CSMD3: variants seen among roughly 807,000 people sequenced by gnomAD.
CSMD3 encodes the protein CUB and sushi domain-containing protein 3.
A neutral mutation model predicts 435.2 loss-of-function variants in CSMD3; 177 were observed. The observed-to-expected ratio is 0.41, with a 90% CI of 0.36 to 0.46. CSMD3 has a LOEUF of 0.46. CSMD3 is among the 20% of genes least tolerant of loss of function. The pLI is 0.34. For synonymous variants in CSMD3, 1,656 were observed against 1,520.5 expected, an observed-to-expected ratio of 1.09 and a Z score of -2.07; for missense variants, 4,265 against 4,504.6, an observed-to-expected ratio of 0.95 and a Z score of 1.52.
chr8:112,929,745 T>A (rs1181302481), intron 9 of CSMD3, among the ~76,000 whole-genome samples: 1 of 152,038 alleles, frequency 6.6e-6, no homozygotes, highest in Non-Finnish European at 1.5e-5. Flanking sequence ...AAAGTGCTTT[T>A]GAAGGTTACT....
At position 112,892,691 on chromosome 8, in the gene CSMD3, A is replaced by G. The variant is rs187213227; in HGVS notation, c.1633+28936T>C. ...GATATGTGCATATTTTCTGTCTTCA[A>G]TTCACAACACTACTTAAATGGCATC... is the stretch of plus-strand genomic sequence containing the variant. On this transcript the variant is annotated intron_variant, in intron 10 of 70. Coordinates refer to ENST00000297405, the MANE Select transcript of CSMD3 (RefSeq NM_198123.2). Among the ~76,000 whole-genome samples the G allele has an allele frequency of 9.0e-4, 136 of 151,574 alleles. 2 individuals are homozygous for G. The highest frequency in any genetic ancestry group is 7.8e-4 in the East Asian group (4 of 5,106).
chr8:112,516,999 T>C, intron 28 of CSMD3, 35 bp downstream of exon 28: 8 of 1,504,530 alleles, frequency 5.3e-6, no homozygotes, highest in Non-Finnish European at 6.5e-6. Flanking sequence ...TTGTTTTATG[T>C]TTATATAAAA....
intron 9 of CSMD3, among the ~76,000 whole-genome samples, chr8:112,923,972 G>T (rs999748823): frequency 3.9e-5 from 6 of 152,074 alleles, no homozygotes; most frequent in South Asian, 2.1e-4. Context: ...TGCTGCATTT[G>T]CTGTGTTCAA....
chr8:112,916,016 T>C lies in CSMD3; in HGVS notation c.1633+5611A>G, dbSNP rs149510899. Among the ~76,000 whole-genome samples the C allele has an allele frequency of 1.4e-3, 209 of 151,854 alleles. 1 individual carries two copies. Among genetic ancestry groups the C allele is most frequent in the African/African-American group, 4.8e-3 (198 of 41,518 alleles). ...CAATCCCTTATCAACTTACAAATAATCCCTCATCAACTTACAAATAAGTAA... is the reference window on the plus strand; with the variant it reads ...CAATCCCTTATCAACTTACAAATAACCCCTCATCAACTTACAAATAAGTAA... On this transcript the variant is annotated intron_variant, in intron 10 of 70. Coordinates refer to ENST00000297405, the MANE Select transcript of CSMD3 (RefSeq NM_198123.2).
At position 113,245,776 on chromosome 8, in the gene CSMD3, T is replaced by A. The variant is rs573333330; in HGVS notation, c.514+32816A>T. On this transcript the variant is annotated intron_variant, in intron 3 of 70. Coordinates refer to ENST00000297405, the MANE Select transcript of CSMD3 (RefSeq NM_198123.2). ...ACTGTCTAATGTCATTTCCTTTCAA[T>A]CTGAAGGATTTTCCTAGATATTTCT... 6.6e-5 allele frequency among the ~76,000 whole-genome samples: 10 copies of A among 152,214 alleles called. No individual in the cohort carries two copies. The South Asian group carries it at 2.1e-3, about 32-fold the overall frequency.
intron 65 of CSMD3, among the ~76,000 whole-genome samples, chr8:112,242,008 T>C (rs1814218740): frequency 6.6e-6 from 1 of 152,074 alleles, no homozygotes; most frequent in Non-Finnish European, 1.5e-5. Flanking sequence ...TTATTCCCAT[T>C]ACAGTCTATT....
chr8:112,284,578 A>G (rs1267790478), intron 58 of CSMD3, among the ~76,000 whole-genome samples: 1 of 151,778 alleles, frequency 6.6e-6, no homozygotes, highest in Non-Finnish European at 1.5e-5. Flanking sequence ...TTTATTGACT[A>G]TACTCTATTA....
chr8:112,814,217 C>A (rs1195386329), intron 12 of CSMD3, among the ~76,000 whole-genome samples: 1 of 152,068 alleles, frequency 6.6e-6, no homozygotes, highest in Non-Finnish European at 1.5e-5. Flanking sequence ...TAAGTAATCA[C>A]TAGGGAGAAT....
At chr8:112,921,823 G>T in intron 9 of CSMD3, 72 bp from the exon 10 acceptor site, 1 of 1,222,804 alleles carries the variant, frequency 8.2e-7, no homozygotes. Context: ...ACTTCTGCTG[G>T]CAATATCCAA....
At chr8:112,952,945 T>G (rs2083878672) in intron 8 of CSMD3, among the ~76,000 whole-genome samples, 1 of 151,282 alleles carries the variant, frequency 6.6e-6, no homozygotes, top group East Asian at 1.9e-4. Context: ...ACAAGAAAAG[T>G]GGAAATAATA....
At chr8:112,349,168 T>C (rs1825925014) in intron 40 of CSMD3, among the ~76,000 whole-genome samples, 2 of 152,070 alleles carry the variant, frequency 1.3e-5, no homozygotes, top group South Asian at 2.1e-4. Context: ...AAAATAAATA[T>C]GTAATTTATA....
intron 38 of CSMD3, among the ~76,000 whole-genome samples, chr8:112,378,066 C>A (rs973082934): frequency 1.3e-5 from 2 of 152,040 alleles, no homozygotes; most frequent in Non-Finnish European, 2.9e-5. Flanking sequence ...TTGTCCCTGT[C>A]TGCAGATGAT....
intron 5 of CSMD3, among the ~76,000 whole-genome samples, chr8:113,070,170 G>A (rs962614525): frequency 6.6e-6 from 1 of 152,036 alleles, no homozygotes; most frequent in Non-Finnish European, 1.5e-5. Context: ...ATAGCCAAAG[G>A]AATTTCTACC....
chr8:112,379,654 C>T lies in CSMD3; in HGVS notation c.6136+698G>A, dbSNP rs149324886. On this transcript the variant is annotated intron_variant, in intron 38 of 70. Coordinates refer to ENST00000297405, the MANE Select transcript of CSMD3 (RefSeq NM_198123.2). ...TTATCAAAATCTCTGACAAGTTTTT[C>T]CAAAAATAAAAAAAGTACTAAGATG... Among the ~76,000 whole-genome samples the T allele has an allele frequency of 7.1e-3, 1,073 of 152,050 alleles. 13 individuals are homozygous for T. Among genetic ancestry groups the T allele is most frequent in the African/African-American group, 0.024 (999 of 41,470 alleles).
At chr8:112,939,577 C>T (rs550278976) in intron 9 of CSMD3, among the ~76,000 whole-genome samples, 3 of 152,042 alleles carry the variant, frequency 2.0e-5, no homozygotes, top group East Asian at 3.9e-4. Flanking sequence ...CCAAATCCCA[C>T]GCTTTTACAG....
At chr8:112,557,300 C>T (rs1274520818) in intron 24 of CSMD3, among the ~76,000 whole-genome samples, 2 of 151,824 alleles carry the variant, frequency 1.3e-5, no homozygotes, top group African/African-American at 2.4e-5. Flanking sequence ...TGTTCTTTGT[C>T]CCTGATTCCT....
chr8:112,560,900 C>G (rs1297228056), intron 24 of CSMD3, among the ~76,000 whole-genome samples: 3 of 151,568 alleles, frequency 2.0e-5, no homozygotes, highest in Non-Finnish European at 4.4e-5. Context: ...TATATCATTT[C>G]TCAAAATAAA....
intron 9 of CSMD3, among the ~76,000 whole-genome samples, chr8:112,931,336 G>T (rs2083100462): frequency 6.6e-6 from 1 of 151,888 alleles, no homozygotes; most frequent in Non-Finnish European, 1.5e-5. Context: ...TCTTGCATTA[G>T]AAATGCCTTT....
At chr8:113,274,010 T>C (rs1046809978) in intron 3 of CSMD3, among the ~76,000 whole-genome samples, 4 of 152,036 alleles carry the variant, frequency 2.6e-5, no homozygotes, top group African/African-American at 7.2e-5. Context: ...AAAGAAATCA[T>C]AGAAAATGTA....
Sources: allele counts gnomAD v4.1 joint callset (sites outside exome capture counted in the v4.1 genomes callset), GRCh38; gene constraint gnomAD v4.1.1; transcripts MANE v1.5; gene names NCBI Gene and HGNC (gene_info 2026-07-23, HGNC 2026-07-21).